The following EYA1 variants were observed in gnomAD, a reference collection of about 807,000 sequenced individuals.
EYA1 encodes EYA transcriptional coactivator and phosphatase 1.
Under a neutral mutation model 82.0 loss-of-function variants are expected in EYA1, and 16 were observed. The ratio of observed to expected loss-of-function variants is 0.20; its 90% confidence interval spans 0.13 to 0.30. EYA1 has a LOEUF of 0.30. Among genes scored for constraint, EYA1 ranks in the 10% least tolerant of loss-of-function variants. The pLI is 1.00. For synonymous variants in EYA1, 261 were observed against 264.4 expected, an observed-to-expected ratio of 0.99 and a Z score of 0.12; for missense variants, 633 against 730.7, an observed-to-expected ratio of 0.87 and a Z score of 1.54.
intron 16 of EYA1, among the ~76,000 whole-genome samples, chr8:71,214,033 GT>G (rs1276337808): frequency 6.6e-6 from 1 of 152,160 alleles, no homozygotes; most frequent in African/African-American, 2.4e-5. Flanking sequence ...TAATTTTTTA[GT>G]AATCATTTAG....
chr8:71,532,326 C>A (rs1159019506), intron 2 of EYA1, among the ~76,000 whole-genome samples: 1 of 152,164 alleles, frequency 6.6e-6, no homozygotes, highest in East Asian at 1.9e-4. Flanking sequence ...GAGAGACTCT[C>A]TAGGCTCTGC....
chr8:71,505,196 T>C (rs893913446), intron 2 of EYA1, among the ~76,000 whole-genome samples: 16 of 152,138 alleles, frequency 1.1e-4, no homozygotes, highest in African/African-American at 1.7e-4. Context: ...CCCACAAATA[T>C]ATAAAATGAA....
intron 11 of EYA1, among the ~76,000 whole-genome samples, 198 bp downstream of exon 11, chr8:71,269,542 T>C (rs1378555446): frequency 6.6e-6 from 1 of 152,254 alleles, no homozygotes; most frequent in Non-Finnish European, 1.5e-5. Flanking sequence ...GTGTATCTTA[T>C]TGCCAAAGAC....
At chr8:71,446,481 A>T (rs780708807) in intron 2 of EYA1, among the ~76,000 whole-genome samples, 6 of 152,160 alleles carry the variant, frequency 3.9e-5, no homozygotes, top group Non-Finnish European at 7.3e-5. Flanking sequence ...TCTGTTTAAA[A>T]TTACCCAGTC....
intron 12 of EYA1, among the ~76,000 whole-genome samples, chr8:71,242,790 T>G (rs1812638630): frequency 6.6e-6 from 1 of 150,828 alleles, no homozygotes; most frequent in South Asian, 2.1e-4. Flanking sequence ...TTTTTTTTTT[T>G]TTTGAGACAG....
rs548077858 is a variant in EYA1, at chr8:71,332,899, C to T, written c.202+1198G>A. On this transcript the variant is annotated intron_variant, in intron 4 of 17. Transcript: ENST00000340726. ...CATGGAGTGTCCATTTGTCCAGCAT[C>T]TCTCTCTCAGTGCTTCTTTCCTACT... is the stretch of plus-strand genomic sequence containing the variant. 2.0e-4 allele frequency among the ~76,000 whole-genome samples: 31 copies of T among 152,282 alleles called. 1 individual carries two copies. The South Asian group carries it at 6.0e-3, about 30-fold the overall frequency.
intron 2 of EYA1, among the ~76,000 whole-genome samples, chr8:71,424,969 G>A (rs1306277355): frequency 3.3e-5 from 5 of 151,960 alleles, no homozygotes; most frequent in Admixed American, 2.0e-4. Context: ...CTAAGAAAAT[G>A]CACATTTTAG....
At chr8:71,262,612 CTGTG>C (rs1815267136) in intron 11 of EYA1, among the ~76,000 whole-genome samples, 1 of 152,184 alleles carries the variant, frequency 6.6e-6, no homozygotes, top group East Asian at 1.9e-4. Flanking sequence ...GGTTAAGGAG[CTGTG>C]ATGATTCCTG....
At chr8:71,351,799 G>A (rs1022517920) in intron 3 of EYA1, among the ~76,000 whole-genome samples, 3 of 152,138 alleles carry the variant, frequency 2.0e-5, no homozygotes, top group Admixed American at 6.5e-5. Flanking sequence ...TTCAGATGAA[G>A]TTATGGTTTT....
chr8:71,518,932 C>A (rs1003597538), intron 2 of EYA1, among the ~76,000 whole-genome samples: 1 of 152,024 alleles, frequency 6.6e-6, no homozygotes, highest in Non-Finnish European at 1.5e-5. Flanking sequence ...ATTATTGAAC[C>A]CTTTTTTCCT....
intron 3 of EYA1, among the ~76,000 whole-genome samples, chr8:71,334,978 G>T (rs1458677790): frequency 6.6e-6 from 1 of 152,162 alleles, no homozygotes; most frequent in Non-Finnish European, 1.5e-5. Flanking sequence ...AAAGAGGCAA[G>T]CCAACAACTT....
chr8:71,518,866 TA>T (rs1461285639), intron 2 of EYA1, among the ~76,000 whole-genome samples: 1 of 152,194 alleles, frequency 6.6e-6, no homozygotes, highest in African/African-American at 2.4e-5. Context: ...ATAAAAAACC[TA>T]AGTTCATAAA....
intron 17 of EYA1, among the ~76,000 whole-genome samples, chr8:71,209,841 A>G (rs1424290197): frequency 1.3e-5 from 2 of 152,222 alleles, no homozygotes; most frequent in Non-Finnish European, 2.9e-5. Context: ...TACAGAGTAC[A>G]ACTATGACAA....
At chr8:71,523,202 G>A (rs1292761228) in intron 2 of EYA1, among the ~76,000 whole-genome samples, 1 of 99,264 alleles carries the variant, frequency 1.0e-5, no homozygotes, top group Non-Finnish European at 1.7e-5. Context: ...TTTTTGAGAC[G>A]GAGTCTCGCT....
At chr8:71,226,624 G>A (rs2128874206) in intron 12 of EYA1, among the ~76,000 whole-genome samples, 1 of 148,106 alleles carries the variant, frequency 6.8e-6, no homozygotes, top group South Asian at 2.2e-4. Flanking sequence ...AGTCTCTAAA[G>A]GTAATGGATT....
chr8:71,217,645 TAAATAA>T (rs1809380871), intron 12 of EYA1, among the ~76,000 whole-genome samples: 1 of 113,320 alleles, frequency 8.8e-6, no homozygotes. Flanking sequence ...CTTTAAAACC[TAAATAA>T]AAAGTCAAAC....
chr8:71,480,918 G>C (rs1418346423), intron 2 of EYA1, among the ~76,000 whole-genome samples: 1 of 151,932 alleles, frequency 6.6e-6, no homozygotes, highest in Non-Finnish European at 1.5e-5. Flanking sequence ...GCTTTTTTCC[G>C]TGGTCAATAA....
chr8:71,203,482 G>A (rs142584428), intron 17 of EYA1, among the ~76,000 whole-genome samples: 38 of 152,280 alleles, frequency 2.5e-4, no homozygotes, highest in Middle Eastern at 6.8e-3. Flanking sequence ...AACTGAGCTT[G>A]AGCTGAATTT....
chr8:71,445,851 C>A (rs915738224), intron 2 of EYA1, among the ~76,000 whole-genome samples: 3 of 152,140 alleles, frequency 2.0e-5, no homozygotes, highest in Non-Finnish European at 4.4e-5. Context: ...CCACGCCTGG[C>A]TCATTCTAAA....
Sources: gnomAD v4.1 joint callset for allele counts (sites outside exome capture counted in the v4.1 genomes callset) on GRCh38, gnomAD v4.1.1 for gene constraint, MANE v1.5 for transcripts, NCBI Gene and HGNC (gene_info 2026-07-23, HGNC 2026-07-21) for gene names.